GAREM1: variants seen among roughly 807,000 people sequenced by gnomAD.
GAREM1 encodes GRB2-associated and regulator of MAPK protein 1.
In GAREM1, 26 loss-of-function variants were observed where a neutral mutation model predicts 71.3. That is an observed-to-expected ratio of 0.36 (90% CI 0.27 to 0.51). The LOEUF is 0.51. GAREM1 is among the 20% of genes least tolerant of loss of function. GAREM1 has a pLI of 0.95. For missense variants in GAREM1, 1,026 were observed against 1,103.1 expected, an observed-to-expected ratio of 0.93 and a Z score of 0.99; for synonymous variants, 440 against 433.2, an observed-to-expected ratio of 1.02 and a Z score of -0.20.
At chr18:32,380,475 A>T (rs990195585) in intron 2 of GAREM1, among the ~76,000 whole-genome samples, 1 of 84,134 alleles carries the variant, frequency 1.2e-5, no homozygotes, top group South Asian at 3.6e-4. Flanking sequence ...GACTTCATTT[A>T]AAAAAAAAAA....
At chr18:32,462,592 C>T (rs2048962867) in intron 1 of GAREM1, among the ~76,000 whole-genome samples, 1 of 152,172 alleles carries the variant, frequency 6.6e-6, no homozygotes, top group African/African-American at 2.4e-5. Context: ...TTTCCTTTGT[C>T]ATGCAGAAGC....
At chr18:32,269,820 T>C (rs1598916960) in intron 5 of GAREM1, among the ~76,000 whole-genome samples, 1 of 152,160 alleles carries the variant, frequency 6.6e-6, no homozygotes, top group South Asian at 2.1e-4. Context: ...TCAGAGTAGA[T>C]AGCCAATGGG....
intron 1 of GAREM1, among the ~76,000 whole-genome samples, chr18:32,455,433 A>G (rs1456688211): frequency 6.6e-6 from 1 of 152,182 alleles, no homozygotes; most frequent in Admixed American, 6.5e-5. Context: ...TAATGGGGGA[A>G]ATACACTTTC....
At chr18:32,277,835 C>G (rs1468117352) in intron 4 of GAREM1, among the ~76,000 whole-genome samples, 1 of 152,202 alleles carries the variant, frequency 6.6e-6, no homozygotes, top group Non-Finnish European at 1.5e-5. Flanking sequence ...GGAAGCTCAT[C>G]ATTGCATGAG....
At chr18:32,321,753 G>A (rs2047431713) in intron 2 of GAREM1, among the ~76,000 whole-genome samples, 1 of 152,044 alleles carries the variant, frequency 6.6e-6, no homozygotes, top group African/African-American at 2.4e-5. Context: ...AATCCTTTCT[G>A]TCTCCACTGC....
chr18:32,455,597 T>C (rs757475836), intron 1 of GAREM1, among the ~76,000 whole-genome samples: 1 of 152,164 alleles, frequency 6.6e-6, no homozygotes, highest in Non-Finnish European at 1.5e-5. Flanking sequence ...CCAAAGCATC[T>C]GGACTATCCT....
chr18:32,378,055 T>TGC (rs1555640400), intron 2 of GAREM1, among the ~76,000 whole-genome samples: 15 of 127,048 alleles, frequency 1.2e-4, no homozygotes, highest in Admixed American at 3.0e-4. Flanking sequence ...TGTGTGTGTG[T>TGC]GTGCGCGCGG....
At chr18:32,391,435 T>G (rs768719039) in intron 2 of GAREM1, among the ~76,000 whole-genome samples, 1 of 152,176 alleles carries the variant, frequency 6.6e-6, no homozygotes, top group South Asian at 2.1e-4. Context: ...GGAAGACTGA[T>G]TTGACAGAGC....
At chr18:32,293,113 A>G (rs1211958361) in intron 3 of GAREM1, among the ~76,000 whole-genome samples, 1 of 152,022 alleles carries the variant, frequency 6.6e-6, no homozygotes, top group Non-Finnish European at 1.5e-5. Flanking sequence ...ACTTTTCAGC[A>G]GTTATACACA....
At chr18:32,408,793 G>C (rs1405922736) in intron 1 of GAREM1, among the ~76,000 whole-genome samples, 1 of 152,134 alleles carries the variant, frequency 6.6e-6, no homozygotes, top group Non-Finnish European at 1.5e-5. Context: ...TTTGGGAGTA[G>C]AATCTATATG....
At chr18:32,438,269 T>C (rs1287263022) in intron 1 of GAREM1, among the ~76,000 whole-genome samples, 1 of 152,228 alleles carries the variant, frequency 6.6e-6, no homozygotes, top group Non-Finnish European at 1.5e-5. Context: ...GGTCTAAAGC[T>C]AGACTCCCAT....
chr18:32,430,283 T>C (rs1000147811), intron 1 of GAREM1, among the ~76,000 whole-genome samples: 3 of 152,180 alleles, frequency 2.0e-5, no homozygotes, highest in African/African-American at 7.2e-5. Context: ...GAATGGCATA[T>C]ACAAACATAC....
intron 1 of GAREM1, among the ~76,000 whole-genome samples, chr18:32,418,536 A>AT (rs1157433333): frequency 1.3e-5 from 2 of 152,210 alleles, no homozygotes; most frequent in African/African-American, 2.4e-5. Flanking sequence ...TTAACTCAGT[A>AT]AAGTAAAAGG....
At chr18:32,424,598 G>C (rs2048555704) in intron 1 of GAREM1, among the ~76,000 whole-genome samples, 1 of 152,080 alleles carries the variant, frequency 6.6e-6, no homozygotes, top group Admixed American at 6.6e-5. Flanking sequence ...AAAAAAACTG[G>C]ATTCTGAAAT....
At chr18:32,464,841 TAA>T (rs2048984395) in intron 1 of GAREM1, among the ~76,000 whole-genome samples, 1 of 121,646 alleles carries the variant, frequency 8.2e-6, no homozygotes, top group Non-Finnish European at 1.8e-5. Context: ...AAGTAGAATG[TAA>T]GCACCACAAA....
At chr18:32,428,261 T>C (rs973118059) in intron 1 of GAREM1, among the ~76,000 whole-genome samples, 2 of 152,208 alleles carry the variant, frequency 1.3e-5, no homozygotes, top group African/African-American at 2.4e-5. Context: ...AACATGGTAT[T>C]GTAAGAGACA....
intron 2 of GAREM1, among the ~76,000 whole-genome samples, chr18:32,316,456 C>T (rs114269046): frequency 1.3e-5 from 2 of 152,088 alleles, no homozygotes; most frequent in Admixed American, 6.5e-5. Flanking sequence ...TACTACCTTA[C>T]ATTTCTTTAT....
At chr18:32,432,986 C>G (rs2048638039) in intron 1 of GAREM1, among the ~76,000 whole-genome samples, 1 of 151,880 alleles carries the variant, frequency 6.6e-6, no homozygotes, top group African/African-American at 2.4e-5. Context: ...AAAAAGAGTA[C>G]AGGAAAAGAC....
At chr18:32,313,236 T>C (rs2047341448) in intron 2 of GAREM1, among the ~76,000 whole-genome samples, 2 of 152,116 alleles carry the variant, frequency 1.3e-5, no homozygotes, top group African/African-American at 4.8e-5. Context: ...ACATGGACAC[T>C]GAGCTGGATA....
Sources: gnomAD v4.1 joint callset for allele counts (sites outside exome capture counted in the v4.1 genomes callset) on GRCh38, gnomAD v4.1.1 for gene constraint, MANE v1.5 for transcripts, NCBI Gene and HGNC (gene_info 2026-07-23, HGNC 2026-07-21) for gene names.